Variants in GALNT15 observed in about 807,000 individuals in gnomAD.
GALNT15 encodes polypeptide N-acetylgalactosaminyltransferase 15, also known as UDP-GalNAc transferase T15.
Under a neutral mutation model 66.8 loss-of-function variants are expected in GALNT15, and 67 were observed. The ratio of observed to expected loss-of-function variants is 1.00; its 90% CI spans 0.82 to 1.23. The LOEUF is 1.23. Among genes scored for constraint, GALNT15 ranks in the 50% most tolerant of loss-of-function variants. GALNT15 has a pLI of 0.00. For missense variants in GALNT15, 827 were observed against 804.3 expected (o/e 1.03, Z -0.34); for synonymous variants, 313 against 311.5 (o/e 1.00, Z -0.05).
intron 3 of GALNT15, among the ~76,000 whole-genome samples, chr3:16,207,975 A>G (rs1185439541): frequency 6.6e-6 from 1 of 152,114 alleles, no homozygotes; most frequent in East Asian, 1.9e-4. Context: ...CAGGTATCTC[A>G]AGATTACATA....
Position 16,174,928 on chromosome 3 carries a change from T to G in GALNT15, c.-224T>G, listed in dbSNP as rs769346175. 5 of 538,286 alleles carry G rather than the reference T, an allele frequency of 9.3e-6. No individual in the cohort carries two copies. The highest frequency in any genetic ancestry group is 1.6e-5 in the Non-Finnish European group (5 of 303,620). 33.3% of individuals were successfully genotyped at this position (538,286 alleles called of 1,614,324 possible). Reference sequence around the variant, plus strand: ...TCAGAAGGCAATTAAAGAAATCCACTCAGAGAGGACTTGGGGTGAAACTTG... The same window carrying G: ...TCAGAAGGCAATTAAAGAAATCCACGCAGAGAGGACTTGGGGTGAAACTTG... On this transcript the variant is annotated 5_prime_UTR_variant, in exon 1 of 10. Transcript: ENST00000339732. The surrounding 1 kb of genome is among the most constrained non-coding windows in gnomAD (Gnocchi z 4.7).
intron 6 of GALNT15, among the ~76,000 whole-genome samples, chr3:16,213,321 G>C (rs1379613865): frequency 1.3e-5 from 2 of 151,538 alleles, no homozygotes; most frequent in Admixed American, 6.6e-5. Flanking sequence ...CAGGTGTGGT[G>C]GTGGGCGCCT....
chr3:16,232,451 AAAATAAAT>A (rs1194898714), downstream of GALNT15, among the ~76,000 whole-genome samples: 22 of 67,704 alleles, frequency 3.2e-4, no homozygotes, highest in East Asian at 1.6e-3. Flanking sequence ...GCCTGGCCTC[AAAATAAAT>A]AAATAAATAA....
At chr3:16,192,549 T>C (rs1304024205) in intron 1 of GALNT15, among the ~76,000 whole-genome samples, 2 of 152,092 alleles carry the variant, frequency 1.3e-5, no homozygotes, top group African/African-American at 4.8e-5. Context: ...GACCCCTGGG[T>C]TTACCCAAAT....
In GALNT15 at chr3:16,229,262, C is replaced by G. The variant is rs2064056431; in HGVS notation, c.*1762C>G. 3.0e-6 allele frequency: 3 copies of G among 984,454 alleles called. No individual in the cohort carries two copies. The highest frequency in any genetic ancestry group is 1.7e-5 in the African/African-American group (1 of 57,348). 61.0% of individuals were successfully genotyped at this position (984,454 alleles called of 1,614,324 possible). ...CATTTCTCCTTCCTCAGAATACACT[C>G]TGGACCTGTGCTGTCTAATATGGTA... On this transcript the variant is annotated 3_prime_UTR_variant, in exon 10 of 10. Coordinates refer to ENST00000339732, the MANE Select transcript of GALNT15 (RefSeq NM_054110.5).
chr3:16,200,938 G>A lies in GALNT15; in HGVS notation c.911+115G>A, dbSNP rs1347890915. 6 of 745,994 alleles carry A rather than the reference G, an allele frequency of 8.0e-6. No homozygotes were observed. The East Asian group carries it at 1.9e-4, about 23-fold the overall frequency. The allele number at this position is 745,994 out of a possible 1,614,324, so 46.2% of individuals were successfully genotyped here. A position where few individuals can be genotyped will look rare whatever the true frequency, so the allele number is the denominator to read the frequency against. The stretch of plus-strand genomic sequence containing the variant: ...AATTCCTGAATCTCCATTAGAGAGT[G>A]ATATATTCCCTTCGGGTTTTCAGAT... On this transcript the variant is annotated intron_variant, in intron 3 of 9. Coordinates refer to ENST00000339732, the MANE Select transcript of GALNT15 (RefSeq NM_054110.5). This position sits in a 1 kb window ranked among gnomAD's most constrained non-coding sequence, Gnocchi z 4.4.
chr3:16,179,771 G>A (rs1048328914), intron 1 of GALNT15, among the ~76,000 whole-genome samples: 6 of 152,214 alleles, frequency 3.9e-5, no homozygotes, highest in Admixed American at 6.5e-5. Context: ...TGTGGGAAAG[G>A]GAGGGTCCTC....
the GALNT15 span, among the ~76,000 whole-genome samples, chr3:16,245,314 A>G: frequency 2.0e-5 from 3 of 152,280 alleles, no homozygotes; most frequent in Admixed American, 6.5e-5. Context: ...TCCTTGTCTC[A>G]TGCTCTGCTT....
In GALNT15 at chr3:16,186,284, C is replaced by G. The variant is rs1260475736; in HGVS notation, c.540-9476C>G. ...CCACTAGGATGGCTGAAGTAAAAGA[C>G]AGTGCAAGTGCTGACAAGGATGTGG... On this transcript the variant is annotated intron_variant, in intron 1 of 9. Coordinates refer to ENST00000339732, the MANE Select transcript of GALNT15 (RefSeq NM_054110.5). This position sits in a 1 kb window ranked among gnomAD's most constrained non-coding sequence, Gnocchi z 5.1. 6.6e-6 allele frequency among the ~76,000 whole-genome samples: 1 copy of G among 152,186 alleles called. No individual in the cohort carries two copies. The highest frequency in any genetic ancestry group is 1.5e-5 in the Non-Finnish European group (1 of 68,030).
chr3:16,219,832 G>C lies in GALNT15; in HGVS notation c.1525-78G>C. On this transcript the variant is annotated intron_variant, in intron 7 of 9. Transcript: ENST00000339732. The surrounding 1 kb of genome is among the most constrained non-coding windows in gnomAD (Gnocchi z 4.3). ...CTTGGGCTGCACTCCAGAGAATACA[G>C]CAAAGGAATGGTGTCTGACCGAGGG... 2 of 1,214,040 alleles carry C rather than the reference G, an allele frequency of 1.6e-6. No individual in the cohort carries two copies. The highest frequency in any genetic ancestry group is 2.4e-5 in the South Asian group (2 of 81,826). 75.2% of individuals were successfully genotyped at this position (1,214,040 alleles called of 1,614,324 possible).
chr3:16,226,197 A>C (rs1363513566), intron 9 of GALNT15, among the ~76,000 whole-genome samples: 4 of 152,142 alleles, frequency 2.6e-5, no homozygotes, highest in African/African-American at 7.2e-5. Context: ...GGAGGGAGGA[A>C]TGGGGAGTGA....
In GALNT15 at chr3:16,228,451, G is replaced by A; in HGVS notation, c.*951G>A. ...ATGTCAGGGGTTTGAGACCAGCCTGGTCAACATTGCAAAACCTTGTCTCTA... is the reference window on the plus strand; with the variant it reads ...ATGTCAGGGGTTTGAGACCAGCCTGATCAACATTGCAAAACCTTGTCTCTA... On this transcript the variant is annotated 3_prime_UTR_variant, in exon 10 of 10. Coordinates refer to ENST00000339732, the MANE Select transcript of GALNT15 (RefSeq NM_054110.5). 1.5e-6 allele frequency: 1 copy of A among 661,066 alleles called. No individual in the cohort carries two copies. Among genetic ancestry groups the A allele is most frequent in the South Asian group, 6.7e-5 (1 of 14,864 alleles). 41.0% of individuals were successfully genotyped at this position (661,066 alleles called of 1,614,324 possible).
At chr3:16,241,347 A>G in the GALNT15 span, among the ~76,000 whole-genome samples, 1 of 152,146 alleles carries the variant, frequency 6.6e-6, no homozygotes, top group Non-Finnish European at 1.5e-5. The surrounding 1 kb of genome is among the most constrained non-coding windows in gnomAD (Gnocchi z 4.6). Context: ...GAAAAGAAAA[A>G]TTACAGAGCT....
In GALNT15 at chr3:16,188,700, T is replaced by G. The variant is rs899182564; in HGVS notation, c.540-7060T>G. Among the ~76,000 whole-genome samples the G allele has an allele frequency of 6.6e-6, 1 of 152,182 alleles. No homozygotes were observed. Among genetic ancestry groups the G allele is most frequent in the Admixed American group, 6.5e-5 (1 of 15,278 alleles). The stretch of plus-strand genomic sequence containing the variant: ...CCAGCTTCCTAGGTTTCCAGTGGCT[T>G]CTCTGAATTGCTGCTCAAACCCTCC... On this transcript the variant is annotated intron_variant, in intron 1 of 9. Transcript: ENST00000339732. The surrounding 1 kb of genome is among the most constrained non-coding windows in gnomAD (Gnocchi z 4.6).
In GALNT15 at chr3:16,209,788, C is replaced by G. The variant is rs531347182; in HGVS notation, c.1079+1118C>G. ...AATGAGCTGAGACCACACTACTGCA[C>G]TCTAGCCTGGGTGACAGAGCAAGAT... is the stretch of plus-strand genomic sequence containing the variant. On this transcript the variant is annotated intron_variant, in intron 4 of 9. Transcript: ENST00000339732. This position sits in a 1 kb window ranked among gnomAD's most constrained non-coding sequence, Gnocchi z 4.1. Among the ~76,000 whole-genome samples, 8 of 152,336 alleles carry G rather than the reference C, an allele frequency of 5.3e-5. No homozygotes were observed. Among genetic ancestry groups the G allele is most frequent in the Non-Finnish European group, 1.2e-4 (8 of 68,032 alleles).
rs557672301 is a variant in GALNT15, at chr3:16,194,924, T to C, written c.540-836T>C. ...GGTTGATGGTGGCAGCAAACCACTATGGCACATGTTTACCTATGTAGCAAA... is the reference window on the plus strand; with the variant it reads ...GGTTGATGGTGGCAGCAAACCACTACGGCACATGTTTACCTATGTAGCAAA... On this transcript the variant is annotated intron_variant, in intron 1 of 9. Coordinates refer to ENST00000339732, the MANE Select transcript of GALNT15 (RefSeq NM_054110.5). Among the ~76,000 whole-genome samples, 3 of 152,336 alleles carry C rather than the reference T, an allele frequency of 2.0e-5. No homozygotes were observed. The South Asian group carries it at 6.2e-4, about 32-fold the overall frequency.
chr3:16,210,942 C>T (rs943802519), intron 4 of GALNT15, among the ~76,000 whole-genome samples, 182 bp from the exon 5 acceptor site: 1 of 152,204 alleles, frequency 6.6e-6, no homozygotes, highest in Non-Finnish European at 1.5e-5. Flanking sequence ...TTCCATCAAA[C>T]ACTGGGATTT....
intron 4 of GALNT15, among the ~76,000 whole-genome samples, chr3:16,210,309 A>G (rs960731220): frequency 6.6e-6 from 1 of 152,240 alleles, no homozygotes; most frequent in Non-Finnish European, 1.5e-5. Context: ...AATAATCATT[A>G]CAATATCAGT....
At position 16,200,817 on chromosome 3, in the gene GALNT15, G is replaced by A; in HGVS notation, c.905G>A (p.Gly302Asp). 1.2e-6 allele frequency: 2 copies of A among 1,603,780 alleles called. No homozygotes were observed. The highest frequency in any genetic ancestry group is 1.7e-6 in the Non-Finnish European group (2 of 1,175,910). Residue 302 changes from glycine to aspartate, a missense_variant, in exon 3 of 10, where the codon GGT becomes GAT. Coordinates refer to ENST00000339732, the MANE Select transcript of GALNT15 (RefSeq NM_054110.5). This position sits in a 1 kb window ranked among gnomAD's most constrained non-coding sequence, Gnocchi z 4.4. ...WLEPLLSRIA[G>D]DRSRVVSPVI... ...GAGCCCCTCCTCAGCAGAATAGCTG[G>A]TGACAGGTAACTTATTCCCTGGGCT...
Sources: gnomAD v4.1 joint callset for allele counts (sites outside exome capture counted in the v4.1 genomes callset) on GRCh38, gnomAD v4.1.1 for gene constraint, Gnocchi (gnomAD v3.1) non-coding constraint, MANE v1.5 for transcripts, NCBI Gene and HGNC (gene_info 2026-07-23, HGNC 2026-07-21) for gene names.